Variants in RYR2 observed in about 807,000 individuals in gnomAD.
RYR2 encodes the protein ryanodine receptor 2.
In RYR2, 227 loss-of-function variants were observed where a neutral mutation model predicts 601.1. That is an observed-to-expected ratio of 0.38 (90% CI 0.34 to 0.42). The LOEUF (loss-of-function observed/expected upper bound fraction) is 0.42, where lower values mean the gene tolerates loss of function less well. Ranked by LOEUF, RYR2 falls within the 10% of genes least tolerant of loss-of-function variation. RYR2 has a pLI of 1.00. For missense variants in RYR2, 4,646 were observed against 6,156.5 expected, an observed-to-expected ratio of 0.75 and a Z score of 8.21; for synonymous variants, 2,223 against 2,175.1, an observed-to-expected ratio of 1.02 and a Z score of -0.61.
intron 12 of RYR2, among the ~76,000 whole-genome samples, chr1:237,427,399 G>C (rs576236535): frequency 1.3e-5 from 2 of 152,192 alleles, no homozygotes; most frequent in South Asian, 4.2e-4. Context: ...TTTCATATTT[G>C]GGCATGCAGC....
chr1:237,622,903 C>CA (rs1248178375), intron 38 of RYR2, among the ~76,000 whole-genome samples: 1 of 152,134 alleles, frequency 6.6e-6, no homozygotes, highest in Non-Finnish European at 1.5e-5. Context: ...ATTCCAAACT[C>CA]TGAAAAAGAA....
At chr1:237,549,001 T>C (rs61832577) in intron 26 of RYR2, among the ~76,000 whole-genome samples, 43,456 of 152,158 alleles carry the variant, frequency 0.29, 6,364 homozygotes, top group South Asian at 0.39. Flanking sequence ...TTCAGAATGG[T>C]GATTTGAGGA....
chr1:237,138,278 C>G (rs1673014516), intron 1 of RYR2, among the ~76,000 whole-genome samples: 1 of 152,150 alleles, frequency 6.6e-6, no homozygotes, highest in Non-Finnish European at 1.5e-5. Context: ...GGTGATCCAC[C>G]CACCTTGGCC....
intron 96 of RYR2, among the ~76,000 whole-genome samples, chr1:237,796,462 GAAT>G (rs1331244851): frequency 3.3e-5 from 5 of 152,150 alleles, no homozygotes; most frequent in African/African-American, 1.2e-4. Flanking sequence ...AGCACTGTGA[GAAT>G]AATGCAAAAC....
intron 24 of RYR2, among the ~76,000 whole-genome samples, chr1:237,524,472 C>T (rs1469222616): frequency 6.6e-6 from 1 of 152,146 alleles, no homozygotes; most frequent in African/African-American, 2.4e-5. Flanking sequence ...CTAGATTGTG[C>T]TGATAGTCAT....
chr1:237,407,685 C>T (rs533399914), intron 10 of RYR2, among the ~76,000 whole-genome samples: 18 of 149,286 alleles, frequency 1.2e-4, no homozygotes, highest in Non-Finnish European at 2.2e-4. Flanking sequence ...GGCATGATCT[C>T]GGCTTACTGG....
chr1:237,454,408 G>T lies in RYR2; in HGVS notation c.1310G>T (p.Ser437Ile). Residue 437 changes from serine to isoleucine, a missense_variant, in exon 15 of 105, where the codon AGC becomes ATC. Physicochemically the swap from Ser to Ile is moderately radical, Grantham distance 142 (BLOSUM62 -2). Transcript: ENST00000366574. ...TATTTTAGGGGCCTTGATGCTCTCA[G>T]CAAGAAAGCGAAGGCTTCCACAGTC... is the stretch of plus-strand genomic sequence containing the variant. ...NRFIRGLDAL[S>I]KKAKASTVDL... The T allele has an allele frequency of 1.2e-6, 2 of 1,610,256 alleles. No homozygotes were observed. Among genetic ancestry groups the T allele is most frequent in the Non-Finnish European group, 8.5e-7 (1 of 1,178,126 alleles).
intron 1 of RYR2, among the ~76,000 whole-genome samples, chr1:237,148,522 AAAAAAATATATAT>A (rs1208469665): frequency 1.5e-5 from 1 of 68,248 alleles, no homozygotes; most frequent in African/African-American, 5.3e-5. Context: ...AAGTAAAAAA[AAAAAAATATATAT>A]ATATATATAT....
intron 1 of RYR2, among the ~76,000 whole-genome samples, chr1:237,194,958 G>A (rs1185231729): frequency 6.6e-6 from 1 of 152,118 alleles, no homozygotes; most frequent in Non-Finnish European, 1.5e-5. Flanking sequence ...AGGATGATGT[G>A]TGTACAAGTG....
chr1:237,731,679 T>G (rs1690691168), intron 77 of RYR2, among the ~76,000 whole-genome samples: 1 of 152,166 alleles, frequency 6.6e-6, no homozygotes, highest in African/African-American at 2.4e-5. Flanking sequence ...CCTGCTCATA[T>G]TAATTTTTGG....
intron 2 of RYR2, among the ~76,000 whole-genome samples, chr1:237,295,031 T>C (rs1182841705): frequency 1.3e-5 from 2 of 152,090 alleles, no homozygotes; most frequent in Non-Finnish European, 2.9e-5. Context: ...CTGGGTAACA[T>C]GGCAAAACCC....
chr1:237,703,706 TAATC>T (rs528392163), intron 66 of RYR2, among the ~76,000 whole-genome samples: 43 of 151,064 alleles, frequency 2.8e-4, no homozygotes, highest in South Asian at 1.0e-3. Context: ...AATTTTGACA[TAATC>T]AATCAATTAT....
intron 63 of RYR2, among the ~76,000 whole-genome samples, chr1:237,696,169 A>C (rs1364499012): frequency 1.3e-5 from 2 of 152,216 alleles, no homozygotes; most frequent in Non-Finnish European, 2.9e-5. Flanking sequence ...GGGCACAGGA[A>C]AACTCAGTAC....
Position 237,778,782 on chromosome 1 carries a change from A to G in RYR2, c.11880+12A>G, listed in dbSNP as rs1558393919. 2.1e-6 allele frequency: 3 copies of G among 1,401,742 alleles called. No homozygotes were observed. The highest frequency in any genetic ancestry group is 2.3e-5 in the East Asian group (1 of 43,894). 86.8% of individuals were successfully genotyped at this position (1,401,742 alleles called of 1,614,324 possible). On this transcript the variant is annotated intron_variant, in intron 88 of 104. Coordinates refer to ENST00000366574, the MANE Select transcript of RYR2 (RefSeq NM_001035.3). ...TGAAGCTGTCGCAGGTAAACTAACT[A>G]ACTGCCTTCCTCTCTCTTAAATGAC...
Position 237,459,785 on chromosome 1 carries a change from T to C in RYR2, c.1612+3050T>C, listed in dbSNP as rs529063443. 2.6e-5 allele frequency among the ~76,000 whole-genome samples: 4 copies of C among 152,272 alleles called. No homozygotes were observed. In the East Asian group the frequency reaches 7.7e-4, roughly 29 times the overall value. On this transcript the variant is annotated intron_variant, in intron 16 of 104. Transcript: ENST00000366574. Reference sequence around the variant, plus strand: ...AACATTAATAGACTTTACAAAATGTTGGGGACTTGGTGGGTATGAACACGG... The same window carrying C: ...AACATTAATAGACTTTACAAAATGTCGGGGACTTGGTGGGTATGAACACGG...
intron 25 of RYR2, among the ~76,000 whole-genome samples, chr1:237,542,442 C>T (rs1366795821): frequency 6.6e-6 from 1 of 152,152 alleles, no homozygotes; most frequent in Non-Finnish European, 1.5e-5. Context: ...ATTTATGCCC[C>T]TCTTATTACC....
intron 35 of RYR2, among the ~76,000 whole-genome samples, chr1:237,603,885 A>G (rs909240693): frequency 6.6e-6 from 1 of 152,238 alleles, no homozygotes; most frequent in African/African-American, 2.4e-5. Flanking sequence ...TCCTAAATAT[A>G]TATGCACCCA....
At chr1:237,372,732 C>A (rs1251352984) in intron 6 of RYR2, among the ~76,000 whole-genome samples, 1 of 152,208 alleles carries the variant, frequency 6.6e-6, no homozygotes, top group African/African-American at 2.4e-5. Flanking sequence ...AGAGCCTCAA[C>A]TTGGTTGTTA....
intron 1 of RYR2, among the ~76,000 whole-genome samples, chr1:237,263,544 A>C (rs551108435): frequency 2.0e-5 from 3 of 152,228 alleles, no homozygotes; most frequent in Non-Finnish European, 4.4e-5. Context: ...TTAAATATCA[A>C]CCAGGAAACT....
Sources: allele counts gnomAD v4.1 joint callset (sites outside exome capture counted in the v4.1 genomes callset), GRCh38; gene constraint gnomAD v4.1.1; transcripts MANE v1.5; gene names NCBI Gene and HGNC (gene_info 2026-07-23, HGNC 2026-07-21).